STAB2: variants seen among roughly 807,000 people sequenced by gnomAD.
STAB2 encodes the protein stabilin-2.
A neutral mutation model predicts 338.1 loss-of-function variants in STAB2; 288 were observed. The ratio of observed to expected loss-of-function variants is 0.85; its 90% CI spans 0.77 to 0.94. The LOEUF (loss-of-function observed/expected upper bound fraction) is 0.94, where lower values mean the gene tolerates loss of function less well. STAB2 is among the 40% of genes least tolerant of loss of function. The probability of loss-of-function intolerance (pLI) is 0.00; values close to 1 mark genes in which losing one functional copy is unlikely to be tolerated. For synonymous variants in STAB2, 1,202 were observed against 1,193.3 expected, an observed-to-expected ratio of 1.01 and a Z score of -0.15; for missense variants, 3,141 against 3,210.1, an observed-to-expected ratio of 0.98 and a Z score of 0.52.
intron 57 of STAB2, chr12:103,746,256 G>A (rs1459272376): frequency 1.5e-5 from 3 of 199,158 alleles, no homozygotes; most frequent in Non-Finnish European, 3.1e-5. Context: ...CATATCCATC[G>A]GGAACCCCTG....
In STAB2 at chr12:103,759,175, A is replaced by G. The variant is rs140732585; in HGVS notation, c.7150A>G (p.Ser2384Gly). The stretch of plus-strand genomic sequence containing the variant: ...CATCGAGCACCACCTCGCCAATGTC[A>G]GCATGTTTTTCTACAATGACCTTGT... ...RDIEHHLANVSMFFYNDLVNG... is the reference protein window; with the variant it reads ...RDIEHHLANVGMFFYNDLVNG... The change falls in exon 65 of 69, where the codon AGC (serine) becomes GGC (glycine). Residue 2384 changes from serine to glycine, a missense_variant. Physicochemically the swap from Ser to Gly is moderately conservative, Grantham distance 56 (BLOSUM62 0). Coordinates refer to ENST00000388887, the MANE Select transcript of STAB2 (RefSeq NM_017564.10). 1.5e-5 allele frequency: 24 copies of G among 1,614,046 alleles called. No individual in the cohort carries two copies. In the African/African-American group the frequency reaches 3.2e-4, roughly 22 times the overall value.
At chr12:103,729,550 C>A (rs537618759) in intron 48 of STAB2, among the ~76,000 whole-genome samples, 1 of 152,010 alleles carries the variant, frequency 6.6e-6, no homozygotes, top group African/African-American at 2.4e-5. Context: ...CCTTAATTTC[C>A]GAATAAGAAA....
intron 68 of STAB2, among the ~76,000 whole-genome samples, chr12:103,764,056 GC>G (rs1019301786): frequency 3.9e-4 from 59 of 152,008 alleles, no homozygotes; most frequent in African/African-American, 1.3e-3. Flanking sequence ...CACGATCTCG[GC>G]TCATTGCAAC....
intron 38 of STAB2, among the ~76,000 whole-genome samples, 161 bp downstream of exon 38, chr12:103,707,148 T>C (rs1339994740): frequency 6.6e-6 from 1 of 152,238 alleles, no homozygotes; most frequent in East Asian, 1.9e-4. Flanking sequence ...AGCATCTGTG[T>C]TGTCATTTGC....
chr12:103,637,326 A>C, intron 7 of STAB2, 90 bp downstream of exon 7: 1 of 1,490,170 alleles, frequency 6.7e-7, no homozygotes, highest in Non-Finnish European at 9.0e-7. Context: ...CCTTAACACA[A>C]TGACCATTTC....
intron 6 of STAB2, among the ~76,000 whole-genome samples, chr12:103,633,658 G>C (rs1957500422): frequency 6.6e-6 from 1 of 152,198 alleles, no homozygotes; most frequent in Non-Finnish European, 1.5e-5. Context: ...CTCCAGCCTG[G>C]GTGACAGACT....
At chr12:103,690,302 T>C (rs564164064) in intron 29 of STAB2, 122 bp from the exon 30 acceptor site, 1 of 886,756 alleles carries the variant, frequency 1.1e-6, no homozygotes, top group Admixed American at 2.9e-5. Context: ...GGCTGGTAAC[T>C]GCAGGGGGAA....
intron 5 of STAB2, among the ~76,000 whole-genome samples, chr12:103,625,837 A>G (rs945847956): frequency 2.6e-5 from 4 of 152,184 alleles, no homozygotes; most frequent in Non-Finnish European, 5.9e-5. Context: ...ATGTGTCTTT[A>G]TAGCAGCATG....
chr12:103,763,597 G>T lies in STAB2; in HGVS notation c.7594G>T (p.Asp2532Tyr). 1 of 1,613,862 alleles carries T rather than the reference G, an allele frequency of 6.2e-7. No homozygotes were observed. Among genetic ancestry groups the T allele is most frequent in the Non-Finnish European group, 8.5e-7 (1 of 1,179,866 alleles). Residue 2532 changes from aspartate (D) to tyrosine (Y), a missense_variant, in exon 68 of 69, where the codon GAC becomes TAC. Physicochemically the swap from Asp to Tyr is radical, Grantham distance 160. Coordinates refer to ENST00000388887, the MANE Select transcript of STAB2 (RefSeq NM_017564.10). ...TTSAPPEPSYDPFTDSEERQL... is the reference protein window; with the variant it reads ...TTSAPPEPSYYPFTDSEERQL... ...CTCAGCTCCCCCAGAACCTTCCTAC[G>T]ACCCCTTCACGGTGAGTTTGCATTC...
rs774280868 is a variant in STAB2, at chr12:103,638,182, T to C, written c.876T>C (p.Ser292=). The C allele has an allele frequency of 2.4e-5, 39 of 1,614,192 alleles. No homozygotes were observed. The highest frequency in any genetic ancestry group is 3.1e-5 in the Non-Finnish European group (37 of 1,180,012). The change falls in exon 8 of 69, where the codon TCT becomes TCC. Residue 292 remains serine, a synonymous_variant. Coordinates refer to ENST00000388887, the MANE Select transcript of STAB2 (RefSeq NM_017564.10). The part of the protein sequence containing the change: ...QINFGNCPTK[S]TVCKYDGPGQ... ...ACTTTGGAAACTGCCCTACAAAGTC[T>C]ACAGTGTGCAAATATGATGGGCCTG...
intron 60 of STAB2, among the ~76,000 whole-genome samples, chr12:103,751,500 TG>T (rs1205014243): frequency 6.6e-6 from 1 of 152,094 alleles, no homozygotes; most frequent in Non-Finnish European, 1.5e-5. Flanking sequence ...TTAAAGCAGC[TG>T]GGGAGGGAAG....
At chr12:103,725,337 G>C (rs1238575277) in intron 45 of STAB2, among the ~76,000 whole-genome samples, 1 of 152,136 alleles carries the variant, frequency 6.6e-6, no homozygotes, top group Admixed American at 6.5e-5. Context: ...GAAACACTTG[G>C]GTTTGAATTC....
At chr12:103,712,516 C>A in intron 41 of STAB2, 73 bp downstream of exon 41, 2 of 1,181,754 alleles carry the variant, frequency 1.7e-6, no homozygotes, top group Non-Finnish European at 2.5e-6. Flanking sequence ...CTTGTTCCTG[C>A]AGTCTGAATG....
chr12:103,728,296 G>A (rs984627302), intron 47 of STAB2, among the ~76,000 whole-genome samples: 25 of 152,092 alleles, frequency 1.6e-4, no homozygotes, highest in Admixed American at 9.8e-4. Flanking sequence ...TTTTAGTAGA[G>A]ATGGTGTTTT....
intron 4 of STAB2, among the ~76,000 whole-genome samples, chr12:103,620,970 G>A (rs7136163): frequency 0.018 from 2,692 of 152,040 alleles, 76 homozygotes; most frequent in African/African-American, 0.058. Flanking sequence ...GGTGGTGGGC[G>A]CCTATAGTCC....
rs1191026139 is a variant in STAB2 at position 103,685,469 on chromosome 12, T to TGTGCGTGC, written c.2997+387_2997+394dup. 9.9e-5 allele frequency among the ~76,000 whole-genome samples: 14 copies of TGTGCGTGC among 140,808 alleles called. No individual in the cohort carries two copies. The East Asian group carries it at 2.2e-3, about 22-fold the overall frequency. The allele number at this position is 140,808 out of a possible 152,430, so 92.4% of individuals were successfully genotyped here. On this transcript the variant is annotated intron_variant, in intron 27 of 68. Transcript: ENST00000388887. ...GTGTGTGTGTGCGCGTGCGTGTGTG[T>TGTGCGTGC]GTGCGTGCGCGCATGTGTGTGTGTG...
rs1372701160 is a variant in STAB2, at chr12:103,660,314, A to G, written c.1735-17A>G. The G allele has an allele frequency of 1.9e-6, 3 of 1,613,704 alleles. No individual in the cohort carries two copies. The highest frequency in any genetic ancestry group is 2.5e-6 in the Non-Finnish European group (3 of 1,179,634). On this transcript the variant is annotated splice_polypyrimidine_tract_variant and intron_variant, in intron 15 of 68. Transcript: ENST00000388887. ...CATTTTCTTCTTTGACTAAAGAAGT[A>G]TTTGGTTCCTTTGCAGGGATCTCGG...
chr12:103,722,537 TAAATG>T (rs904251278), intron 44 of STAB2, among the ~76,000 whole-genome samples: 11 of 152,124 alleles, frequency 7.2e-5, no homozygotes, highest in African/African-American at 2.7e-4. Flanking sequence ...CCTGGGCAAA[TAAATG>T]GGTAGTTAAT....
chr12:103,653,710 A>ATGGATGGATG (rs1873939040), intron 12 of STAB2, among the ~76,000 whole-genome samples: 3 of 122,984 alleles, frequency 2.4e-5, no homozygotes, highest in Admixed American at 7.9e-5. Context: ...ATGGATGGAT[A>ATGGATGGATG]GATGGATGGA....
Sources: allele counts gnomAD v4.1 joint callset (sites outside exome capture counted in the v4.1 genomes callset), GRCh38; gene constraint gnomAD v4.1.1; transcripts MANE v1.5; gene names NCBI Gene and HGNC (gene_info 2026-07-23, HGNC 2026-07-21).